The following ANO6 variants were observed in gnomAD, a reference collection of about 807,000 sequenced individuals.
ANO6 encodes the protein anoctamin-6.
In ANO6, 106 loss-of-function variants were observed where a neutral mutation model predicts 117.5. The ratio of observed to expected loss-of-function variants is 0.90; its 90% CI spans 0.77 to 1.06. The LOEUF (loss-of-function observed/expected upper bound fraction) is 1.06. Ranked by LOEUF, ANO6 falls within the 50% of genes least tolerant of loss-of-function variation. ANO6 has a pLI of 0.00. For missense variants in ANO6, 955 were observed against 1,121.1 expected (o/e 0.85, Z 2.12); for synonymous variants, 367 against 385.1 (o/e 0.95, Z 0.55).
At chr12:45,416,646 T>C (rs1301886678) in intron 16 of ANO6, 53 bp from the exon 17 acceptor site, 9 of 1,566,140 alleles carry the variant, frequency 5.7e-6, no homozygotes, top group Admixed American at 3.4e-5. Context: ...AAGGAAAATA[T>C]GTTGTCCTTC....
intron 15 of ANO6, among the ~76,000 whole-genome samples, chr12:45,405,376 G>T (rs1256774458): frequency 6.6e-6 from 1 of 152,162 alleles, no homozygotes; most frequent in Non-Finnish European, 1.5e-5. Flanking sequence ...AATGAAATTT[G>T]TTCACATGAA....
chr12:45,385,070 C>A (rs1942261655), intron 10 of ANO6, among the ~76,000 whole-genome samples: 1 of 152,036 alleles, frequency 6.6e-6, no homozygotes, highest in African/African-American at 2.4e-5. Context: ...TGGGTGGTTT[C>A]CTTCAGTTTG....
At chr12:45,230,381 G>C (rs940001058) in intron 1 of ANO6, among the ~76,000 whole-genome samples, 1 of 151,298 alleles carries the variant, frequency 6.6e-6, no homozygotes, top group African/African-American at 2.4e-5. Flanking sequence ...GGATAATACA[G>C]AAGGGGTAAT....
chr12:45,290,199 C>T (rs1315174679), intron 1 of ANO6, among the ~76,000 whole-genome samples: 1 of 151,238 alleles, frequency 6.6e-6, no homozygotes, highest in Non-Finnish European at 1.5e-5. Flanking sequence ...CTGAAAAATT[C>T]TGAATTCTGA....
chr12:45,348,127 A>G lies in ANO6; in HGVS notation c.445A>G (p.Asn149Asp), dbSNP rs534588094. 14 of 1,614,134 alleles carry G rather than the reference A, an allele frequency of 8.7e-6. No homozygotes were observed. The African/African-American group carries it at 1.7e-4, about 20-fold the overall frequency. The change falls in exon 5 of 20, where the codon AAT becomes GAT. Residue 149 changes from asparagine to aspartate, a missense_variant. Asn to Asp is a conservative substitution (Grantham distance 23). Coordinates refer to ENST00000320560, the MANE Select transcript of ANO6 (RefSeq NM_001025356.3). ...GCACATCAAATTGCCTCTGAAACCC[A>G]ATGATCTGAAAAACCGGTCCTCAGC... ...IMHIKLPLKP[N>D]DLKNRSSAFG...
In ANO6 at chr12:45,431,913, G is replaced by T. The variant is rs1398040490; in HGVS notation, c.*2602G>T. 4 of 985,094 alleles carry T rather than the reference G, an allele frequency of 4.1e-6. No homozygotes were observed. In the African/African-American group the frequency reaches 7.0e-5, roughly 17 times the overall value. The allele number at this position is 985,094 out of a possible 1,614,324, so 61.0% of individuals were successfully genotyped here. On this transcript the variant is annotated 3_prime_UTR_variant, in exon 20 of 20. Coordinates refer to ENST00000320560, the MANE Select transcript of ANO6 (RefSeq NM_001025356.3). ...TGAAACATTAGAGCAAATACTCAGG[G>T]GATTTTTCATTAAACATCCCTCAGA...
intron 3 of ANO6, among the ~76,000 whole-genome samples, chr12:45,341,144 G>C (rs1284738709): frequency 1.3e-5 from 2 of 152,100 alleles, no homozygotes; most frequent in Non-Finnish European, 2.9e-5. Context: ...CCAACTCCAA[G>C]GTCTACCAAT....
intron 1 of ANO6, among the ~76,000 whole-genome samples, chr12:45,280,853 A>G (rs1938703097): frequency 7.0e-6 from 1 of 142,768 alleles, no homozygotes; most frequent in Non-Finnish European, 1.5e-5. Flanking sequence ...TGTAAATTGT[A>G]TCATATATGT....
intron 1 of ANO6, among the ~76,000 whole-genome samples, chr12:45,223,199 AT>A (rs1947431982): frequency 6.6e-6 from 1 of 152,202 alleles, no homozygotes; most frequent in Non-Finnish European, 1.5e-5. Context: ...GGGAACCCCA[AT>A]TTATAAACAG....
intron 2 of ANO6, among the ~76,000 whole-genome samples, chr12:45,315,368 A>C (rs1202364430): frequency 6.6e-6 from 1 of 152,064 alleles, no homozygotes; most frequent in East Asian, 1.9e-4. Flanking sequence ...CAGTCCAGTT[A>C]GGAGATGACC....
At chr12:45,297,047 A>G (rs924969272) in intron 1 of ANO6, among the ~76,000 whole-genome samples, 2 of 152,214 alleles carry the variant, frequency 1.3e-5, no homozygotes, top group African/African-American at 4.8e-5. Flanking sequence ...TAGATAAATA[A>G]ACTTGAGAAT....
intron 10 of ANO6, among the ~76,000 whole-genome samples, chr12:45,387,751 C>T (rs752285897): frequency 1.3e-5 from 2 of 152,044 alleles, no homozygotes; most frequent in Admixed American, 1.3e-4. Context: ...AATCTCATGT[C>T]GAATTATAAT....
intron 1 of ANO6, among the ~76,000 whole-genome samples, chr12:45,262,452 T>G (rs1218582546): frequency 6.6e-6 from 1 of 152,056 alleles, no homozygotes; most frequent in Non-Finnish European, 1.5e-5. Context: ...AGACGGAGTT[T>G]CGCTCTTGTT....
chr12:45,409,501 G>C lies in ANO6; in HGVS notation c.2011+14G>C. The C allele has an allele frequency of 6.2e-7, 1 of 1,611,876 alleles. No homozygotes were observed. Among genetic ancestry groups the C allele is most frequent in the South Asian group, 1.1e-5 (1 of 91,010 alleles). ...ATCTTGAAATGAGTAAGTTGTTAGT[G>C]AAGTTTTTAGTGATATAAAACATGT... On this transcript the variant is annotated intron_variant, in intron 16 of 19. Coordinates refer to ENST00000320560, the MANE Select transcript of ANO6 (RefSeq NM_001025356.3).
At chr12:45,250,859 C>T (rs894403268) in intron 1 of ANO6, among the ~76,000 whole-genome samples, 2 of 151,656 alleles carry the variant, frequency 1.3e-5, no homozygotes, top group Non-Finnish European at 2.9e-5. Context: ...CCTGAGTAGC[C>T]GGAACTACAG....
chr12:45,235,434 G>A (rs1026700482), intron 1 of ANO6, among the ~76,000 whole-genome samples: 11 of 152,156 alleles, frequency 7.2e-5, no homozygotes, highest in African/African-American at 2.4e-4. Context: ...AGCTTGGCAC[G>A]TAAGAAAGAT....
chr12:45,369,604 T>C (rs1941771659), intron 9 of ANO6, among the ~76,000 whole-genome samples: 1 of 151,962 alleles, frequency 6.6e-6, no homozygotes, highest in Non-Finnish European at 1.5e-5. Context: ...TGAAAGAATA[T>C]AAGTAAGGGG....
chr12:45,301,042 G>T (rs1365642154), intron 1 of ANO6, among the ~76,000 whole-genome samples: 1 of 152,146 alleles, frequency 6.6e-6, no homozygotes, highest in Non-Finnish European at 1.5e-5. Flanking sequence ...GTCACAAATG[G>T]CTATTGAGCT....
intron 1 of ANO6, among the ~76,000 whole-genome samples, chr12:45,268,923 T>A (rs1410142719): frequency 1.3e-5 from 2 of 152,238 alleles, no homozygotes; most frequent in African/African-American, 4.8e-5. Flanking sequence ...TTCTGGCTGC[T>A]TCCACCCATT....
Sources: allele counts gnomAD v4.1 joint callset (sites outside exome capture counted in the v4.1 genomes callset), GRCh38; gene constraint gnomAD v4.1.1; transcripts MANE v1.5; gene names NCBI Gene and HGNC (gene_info 2026-07-23, HGNC 2026-07-21).